ADGRG7: variants seen among roughly 807,000 people sequenced by gnomAD.
ADGRG7 encodes adhesion G protein-coupled receptor G7, also known as G-protein coupled receptor 128.
In ADGRG7, 82 loss-of-function variants were observed where a neutral mutation model predicts 88.6. The observed-to-expected ratio is 0.93, with a 90% confidence interval of 0.77 to 1.11. ADGRG7 has a LOEUF of 1.11. Ranked by LOEUF, ADGRG7 falls within the 50% of genes most tolerant of loss-of-function variation. The pLI, the probability that ADGRG7 is intolerant of heterozygous loss-of-function variation, is 0.00. For missense variants in ADGRG7, 945 were observed against 953.4 expected, an observed-to-expected ratio of 0.99 and a Z score of 0.12; for synonymous variants, 381 against 345.2, an observed-to-expected ratio of 1.10 and a Z score of -1.15.
At chr3:100,676,830 A>G (rs2094966059) in intron 15 of ADGRG7, among the ~76,000 whole-genome samples, 2 of 152,016 alleles carry the variant, frequency 1.3e-5, no homozygotes, top group Admixed American at 1.3e-4. Flanking sequence ...CTCTTGCTGA[A>G]TTGACCTTTT....
chr3:100,674,303 A>C (rs1205302977), intron 15 of ADGRG7, among the ~76,000 whole-genome samples: 1 of 152,100 alleles, frequency 6.6e-6, no homozygotes, highest in East Asian at 1.9e-4. Context: ...AAATTTTAGG[A>C]ACATTTTTTT....
chr3:100,688,246 G>A lies in ADGRG7; in HGVS notation c.2137-6498G>A, dbSNP rs187724097. 6.0e-3 allele frequency among the ~76,000 whole-genome samples: 914 copies of A among 152,160 alleles called. 11 individuals carry two copies. The highest frequency in any genetic ancestry group is 0.021 in the African/African-American group (868 of 41,518). ...ATGTCCCCTTTTCATTTTTTATTGT[G>A]TCTATTTGATTCTTCTCTCTTTTCT... On this transcript the variant is annotated intron_variant, in intron 15 of 15. Transcript: ENST00000273352.
In ADGRG7 at chr3:100,684,891, A is replaced by G. The variant is rs1029557076; in HGVS notation, c.2137-9853A>G. 3.3e-5 allele frequency among the ~76,000 whole-genome samples: 5 copies of G among 152,226 alleles called. No individual in the cohort carries two copies. In the South Asian group the frequency reaches 1.0e-3, roughly 32 times the overall value. On this transcript the variant is annotated intron_variant, in intron 15 of 15. Transcript: ENST00000273352. ...CTTTTTAAGGTAATAATATTAACAC[A>G]GTTTAACTGCTTCTTGCAGTTTTGT...
At position 100,645,962 on chromosome 3, in the gene ADGRG7, G is replaced by T; in HGVS notation, c.964G>T (p.Gly322Cys). The T allele has an allele frequency of 6.2e-7, 1 of 1,613,420 alleles. No homozygotes were observed. Among genetic ancestry groups the T allele is most frequent in the Non-Finnish European group, 8.5e-7 (1 of 1,179,834 alleles). Residue 322 changes from glycine (G) to cysteine (C), a missense_variant, in exon 9 of 16, where the codon GGC becomes TGC. Gly to Cys is a radical substitution (Grantham distance 159, BLOSUM62 -3). Transcript: ENST00000273352. The stretch of plus-strand genomic sequence containing the variant: ...CCCTATAGATTACACCAAGACATGC[G>T]GCTTTGTAGTTTATCAAAATGACAA... ...NMTKNYTKTC[G>C]FVVYQNDKLF...
At chr3:100,694,703 C>T (rs1405592725) in intron 15 of ADGRG7, 41 bp from the exon 16 acceptor site, 2 of 1,589,066 alleles carry the variant, frequency 1.3e-6, no homozygotes, top group Non-Finnish European at 1.7e-6. Flanking sequence ...GATACTGTAT[C>T]TCAGCACTTA....
intron 15 of ADGRG7, among the ~76,000 whole-genome samples, chr3:100,685,543 G>T (rs1024506885): frequency 6.6e-6 from 1 of 152,022 alleles, no homozygotes; most frequent in African/African-American, 2.4e-5. Flanking sequence ...CCCCACAACA[G>T]TCCCTGGTGT....
At chr3:100,646,329 T>C in intron 9 of ADGRG7, 1 of 601,504 alleles carries the variant, frequency 1.7e-6, no homozygotes, top group African/African-American at 1.9e-5. Context: ...CTTCAAAAGG[T>C]TCTTTGATGT....
chr3:100,677,755 T>C (rs138303816), intron 15 of ADGRG7, among the ~76,000 whole-genome samples: 285 of 152,288 alleles, frequency 1.9e-3, no homozygotes, highest in African/African-American at 6.6e-3. Context: ...CACTCTTTTT[T>C]GGGCTATAAG....
rs1250713163 is a variant in ADGRG7, at chr3:100,646,563, T to G, written c.1111-6T>G. On this transcript the variant is annotated splice_polypyrimidine_tract_variant and splice_region_variant and intron_variant, in intron 9 of 15. Coordinates refer to ENST00000273352, the MANE Select transcript of ADGRG7 (RefSeq NM_032787.3). Reference sequence around the variant, plus strand: ...CAGTAATTGTAATTGTCTTATCAATTCATAGTACAACCAAAAAGAATTTCA... The same window carrying G: ...CAGTAATTGTAATTGTCTTATCAATGCATAGTACAACCAAAAAGAATTTCA... 1 of 1,609,936 alleles carries G rather than the reference T, an allele frequency of 6.2e-7. No individual in the cohort carries two copies. Among genetic ancestry groups the G allele is most frequent in the Admixed American group, 1.7e-5 (1 of 59,690 alleles).
chr3:100,679,211 C>T (rs2149039140), intron 15 of ADGRG7, among the ~76,000 whole-genome samples: 1 of 152,300 alleles, frequency 6.6e-6, no homozygotes, highest in South Asian at 2.1e-4. Flanking sequence ...CCCAACCTTT[C>T]CTCAAGCACA....
intron 6 of ADGRG7, among the ~76,000 whole-genome samples, chr3:100,639,030 GTGTGTGTGTGTGTGTGTGTGTGTGTGTA>G (rs555389033): frequency 0.021 from 2,892 of 138,818 alleles, 92 homozygotes; most frequent in African/African-American, 0.068. Context: ...GTGTGTGTGT[GTGTGTGTGTGTGTGTGTGTGTGTGTGTA>G]TGTATATGTA....
At chr3:100,686,599 G>A (rs1292331030) in intron 15 of ADGRG7, among the ~76,000 whole-genome samples, 1 of 152,174 alleles carries the variant, frequency 6.6e-6, no homozygotes, top group African/African-American at 2.4e-5. Flanking sequence ...CATATGGCTA[G>A]CCAGTTTTCC....
Position 100,649,717 on chromosome 3 carries a change from A to G in ADGRG7, c.1289A>G (p.Tyr430Cys). ...CAGACTTTCAAAAAGGATTATCAAT[A>G]TCCCAAATCACTTGACATATTATCC... ...VLMTFKKDYQ[Y>C]PKSLDILSNV... Residue 430 changes from tyrosine to cysteine, a missense_variant, in exon 11 of 16, where the codon TAT becomes TGT. Coordinates refer to ENST00000273352, the MANE Select transcript of ADGRG7 (RefSeq NM_032787.3). The G allele has an allele frequency of 6.2e-7, 1 of 1,603,362 alleles. No homozygotes were observed. Among genetic ancestry groups the G allele is most frequent in the Non-Finnish European group, 8.5e-7 (1 of 1,171,234 alleles).
chr3:100,653,434 C>T (rs1259712063), intron 11 of ADGRG7, among the ~76,000 whole-genome samples: 1 of 152,152 alleles, frequency 6.6e-6, no homozygotes, highest in African/African-American at 2.4e-5. Flanking sequence ...GACTTTTTCT[C>T]TACATTTAAA....
intron 11 of ADGRG7, chr3:100,654,162 G>A (rs1241638325): frequency 6.6e-6 from 1 of 152,192 alleles, no homozygotes; most frequent in African/African-American, 2.4e-5. Flanking sequence ...CAGTGCGCGG[G>A]TCAGTTGGAG....
intron 1 of ADGRG7, among the ~76,000 whole-genome samples, chr3:100,629,021 C>T (rs1707419859): frequency 6.6e-6 from 1 of 152,152 alleles, no homozygotes; most frequent in Non-Finnish European, 1.5e-5. Flanking sequence ...TGTTGTTCCA[C>T]ATAGAACCAA....
At chr3:100,623,712 C>T (rs978246294) in intron 1 of ADGRG7, among the ~76,000 whole-genome samples, 5 of 152,000 alleles carry the variant, frequency 3.3e-5, no homozygotes, top group African/African-American at 1.2e-4. Context: ...GCCCCTACTC[C>T]CCAACAGGCC....
chr3:100,667,884 G>T (rs553550879), intron 14 of ADGRG7, among the ~76,000 whole-genome samples: 57 of 152,100 alleles, frequency 3.7e-4, no homozygotes, highest in African/African-American at 1.2e-3. Flanking sequence ...CCAATTGGCC[G>T]CCCAGTTTTG....
At position 100,678,436 on chromosome 3, in the gene ADGRG7, CTTATTTAT is replaced by C. The variant is rs560017194; in HGVS notation, c.2136+9346_2136+9353del. Among the ~76,000 whole-genome samples the C allele has an allele frequency of 4.9e-3, 744 of 151,736 alleles. 6 individuals are homozygous for C. Among genetic ancestry groups the C allele is most frequent in the African/African-American group, 0.017 (710 of 41,344 alleles). ...TCTCTCTGGGATTGGTCACTGGTGC[CTTATTTAT>C]TTATTTATTTATTTTGGCGAGGCCA... On this transcript the variant is annotated intron_variant, in intron 15 of 15. Coordinates refer to ENST00000273352, the MANE Select transcript of ADGRG7 (RefSeq NM_032787.3).
Sources: gnomAD v4.1 joint callset for allele counts (sites outside exome capture counted in the v4.1 genomes callset) on GRCh38, gnomAD v4.1.1 for gene constraint, MANE v1.5 for transcripts, NCBI Gene and HGNC (gene_info 2026-07-23, HGNC 2026-07-21) for gene names.